The following CORO2B variants were observed in gnomAD, a reference collection of about 807,000 sequenced individuals.
CORO2B encodes the protein coronin 2B.
Under a neutral mutation model 58.8 loss-of-function variants are expected in CORO2B, and 26 were observed. The observed-to-expected ratio is 0.44, with a 90% CI of 0.32 to 0.61. The LOEUF is 0.61. Ranked by LOEUF, CORO2B falls within the 20% of genes least tolerant of loss-of-function variation. CORO2B has a pLI of 0.04. For missense variants in CORO2B, 460 were observed against 645.1 expected, an observed-to-expected ratio of 0.71 and a Z score of 3.11; for synonymous variants, 242 against 253.8, an observed-to-expected ratio of 0.95 and a Z score of 0.44.
At chr15:68,719,289 C>A (rs568112963) in intron 10 of CORO2B, 55 bp downstream of exon 10, 5 of 1,597,194 alleles carry the variant, frequency 3.1e-6, no homozygotes, top group Non-Finnish European at 4.3e-6. Context: ...TTGCCTTCAG[C>A]GCAGCTCACC....
At chr15:68,554,879 C>T in the CORO2B span, among the ~76,000 whole-genome samples, 5 of 106,986 alleles carry the variant, frequency 4.7e-5, no homozygotes, top group Non-Finnish European at 7.0e-5. Flanking sequence ...GGCCACTCGA[C>T]AGCCAGTGCA....
intron 1 of CORO2B, among the ~76,000 whole-genome samples, chr15:68,615,378 G>A (rs1039475108): frequency 5.9e-5 from 9 of 152,326 alleles, no homozygotes; most frequent in South Asian, 2.1e-4. Context: ...TGTGTAACCC[G>A]GGGGGCCTGG....
chr15:68,659,087 C>G (rs1595995121), intron 2 of CORO2B, among the ~76,000 whole-genome samples: 1 of 152,364 alleles, frequency 6.6e-6, no homozygotes, highest in East Asian at 1.9e-4. Flanking sequence ...GTTTAAACTT[C>G]AGAAGCAAAG....
At chr15:68,722,078 A>C (rs1056179506) in intron 11 of CORO2B, among the ~76,000 whole-genome samples, 1 of 152,004 alleles carries the variant, frequency 6.6e-6, no homozygotes, top group Admixed American at 6.6e-5. Flanking sequence ...AAAGAACTCT[A>C]CTCTTTGAAG....
intron 1 of CORO2B, among the ~76,000 whole-genome samples, chr15:68,603,026 T>C (rs1044428413): frequency 1.3e-5 from 2 of 152,090 alleles, no homozygotes; most frequent in African/African-American, 4.8e-5. Context: ...CAGGAAGGTG[T>C]CAAAGAGCCC....
intron 10 of CORO2B, 45 bp from the exon 11 acceptor site, chr15:68,719,368 A>T (rs149299229): frequency 6.2e-7 from 1 of 1,606,178 alleles, no homozygotes; most frequent in Non-Finnish European, 8.5e-7. Flanking sequence ...ATCACCTGAC[A>T]GTCCATGGGA....
At chr15:68,574,818 G>A (rs900523852), upstream of CORO2B, among the ~76,000 whole-genome samples, 5 of 152,212 alleles carry the variant, frequency 3.3e-5, no homozygotes, top group African/African-American at 1.2e-4. Flanking sequence ...GCTACATGCA[G>A]AGCTGACACT....
intron 5 of CORO2B, 107 bp from the exon 6 acceptor site, chr15:68,713,818 G>A: frequency 1.4e-6 from 1 of 734,654 alleles, no homozygotes; most frequent in East Asian, 2.5e-5. Context: ...TAATTGCAGG[G>A]GCCAGGGCTG....
Position 68,645,331 on chromosome 15 carries a change from G to A in CORO2B, c.187G>A (p.Gly63Ser), listed in dbSNP as rs1410563970. The A allele has an allele frequency of 1.2e-6, 2 of 1,612,368 alleles. No individual in the cohort carries two copies. Among genetic ancestry groups the A allele is most frequent in the Admixed American group, 1.7e-5 (1 of 59,984 alleles). The part of the protein sequence containing the change: ...LAIVTESAGG[G>S]SFLVIPLEQT... ...CATCGTCACCGAGAGCGCAGGGGGC[G>A]GCTCCTTCCTCGTCATCCCCCTGGA... Residue 63 changes from glycine to serine, a missense_variant, in exon 2 of 12, where the codon GGC becomes AGC. Physicochemically the swap from Gly to Ser is moderately conservative, Grantham distance 56. This residue lies in a region of CORO2B where 352 missense variants were observed against 543.0 expected (regional missense o/e 0.65). Coordinates refer to ENST00000261861, the MANE Select transcript of CORO2B (RefSeq NM_006091.5). The surrounding 1 kb of genome is among the most constrained non-coding windows in gnomAD (Gnocchi z 4.5).
intron 3 of CORO2B, among the ~76,000 whole-genome samples, chr15:68,701,929 G>A (rs1011053024): frequency 2.6e-4 from 40 of 152,094 alleles, no homozygotes; most frequent in Admixed American, 3.3e-4. Context: ...TTTTCCTTAA[G>A]TGAGGGCCCA....
chr15:68,528,322 C>T, the CORO2B span, among the ~76,000 whole-genome samples: 1 of 151,920 alleles, frequency 6.6e-6, no homozygotes, highest in Non-Finnish European at 1.5e-5. Context: ...TCTTCTATTC[C>T]TAGTTTATTA....
intron 2 of CORO2B, among the ~76,000 whole-genome samples, chr15:68,659,513 G>C (rs1488935944): frequency 6.6e-6 from 1 of 152,104 alleles, no homozygotes; most frequent in African/African-American, 2.4e-5. Context: ...AAGAGTTCGA[G>C]ACCAGCCCAG....
At chr15:68,652,583 C>A (rs1566996652) in intron 2 of CORO2B, among the ~76,000 whole-genome samples, 1 of 152,206 alleles carries the variant, frequency 6.6e-6, no homozygotes, top group East Asian at 1.9e-4. Flanking sequence ...CCCTATAACC[C>A]AGCCATTCTC....
At chr15:68,714,720 G>A in intron 7 of CORO2B, 57 bp downstream of exon 7, 1 of 1,265,044 alleles carries the variant, frequency 7.9e-7, no homozygotes, top group Non-Finnish European at 1.1e-6. Context: ...TACCCTCAAT[G>A]CACCCCTGCA....
intron 2 of CORO2B, among the ~76,000 whole-genome samples, chr15:68,689,744 T>G (rs994878765): frequency 6.6e-6 from 1 of 152,218 alleles, no homozygotes; most frequent in Non-Finnish European, 1.5e-5. Context: ...TTTTTAAAAA[T>G]TTACAATCAG....
chr15:68,654,880 T>C (rs1471161074), intron 2 of CORO2B, among the ~76,000 whole-genome samples: 1 of 152,224 alleles, frequency 6.6e-6, no homozygotes, highest in African/African-American at 2.4e-5. Context: ...CCTGCTACTG[T>C]TGTCTGGCAC....
intron 11 of CORO2B, 81 bp from the exon 12 acceptor site, chr15:68,725,762 G>T: frequency 1.3e-6 from 2 of 1,574,552 alleles, no homozygotes; most frequent in Admixed American, 1.8e-5. Context: ...GCGGCAGGCA[G>T]CTGGAGACTC....
At chr15:68,695,891 A>G (rs1285707906) in intron 3 of CORO2B, among the ~76,000 whole-genome samples, 1 of 151,942 alleles carries the variant, frequency 6.6e-6, no homozygotes, top group Non-Finnish European at 1.5e-5. Flanking sequence ...GGAGAAATAG[A>G]GATAGGAGGG....
intron 1 of CORO2B, among the ~76,000 whole-genome samples, chr15:68,586,490 G>A (rs1325531150): frequency 3.3e-5 from 5 of 152,130 alleles, no homozygotes; most frequent in Admixed American, 2.6e-4. Flanking sequence ...CAAAAGCCAC[G>A]GACCTTGATC....
Sources: allele counts gnomAD v4.1 joint callset (sites outside exome capture counted in the v4.1 genomes callset), GRCh38; gene constraint gnomAD v4.1.1; regional missense constraint gnomAD v4.1.1; non-coding constraint Gnocchi (gnomAD v3.1); transcripts MANE v1.5; gene names NCBI Gene and HGNC (gene_info 2026-07-23, HGNC 2026-07-21).